GTF2IRD1: variants seen among roughly 807,000 people sequenced by gnomAD.
The protein encoded by GTF2IRD1 is general transcription factor II-I repeat domain-containing protein 1.
In GTF2IRD1, 26 loss-of-function variants were observed where a neutral mutation model predicts 113.2. The observed-to-expected ratio is 0.23, with a 90% CI of 0.17 to 0.32. The LOEUF is 0.32. Ranked by LOEUF, GTF2IRD1 falls within the 10% of genes least tolerant of loss-of-function variation. The pLI is 1.00. For synonymous variants in GTF2IRD1, 484 were observed against 529.1 expected (o/e 0.91, Z 1.17); for missense variants, 864 against 1,280.8 (o/e 0.67, Z 4.97).
intron 9 of GTF2IRD1, among the ~76,000 whole-genome samples, chr7:74,534,556 A>C (rs1798169456): frequency 4.6e-5 from 7 of 151,640 alleles, no homozygotes. Context: ...GGAACCCAGC[A>C]GGAAATTAGA....
chr7:74,504,003 T>C (rs1554340272), intron 1 of GTF2IRD1, among the ~76,000 whole-genome samples: 1 of 152,150 alleles, frequency 6.6e-6, no homozygotes, highest in African/African-American at 2.4e-5. Context: ...AGTGAGAACA[T>C]TTGATATTTG....
intron 1 of GTF2IRD1, among the ~76,000 whole-genome samples, chr7:74,494,420 C>T (rs1795540897): frequency 6.6e-6 from 1 of 152,212 alleles, no homozygotes; most frequent in South Asian, 2.1e-4. Context: ...GGGCTTCCCA[C>T]GTGTCAGCTC....
chr7:74,512,985 G>T lies in GTF2IRD1; in HGVS notation c.265+14G>T. 6.2e-7 allele frequency: 1 copy of T among 1,610,626 alleles called. No homozygotes were observed. On this transcript the variant is annotated intron_variant, in intron 3 of 26. Coordinates refer to ENST00000424337, the MANE Select transcript of GTF2IRD1 (RefSeq NM_005685.4). This position sits in a 1 kb window ranked among gnomAD's most constrained non-coding sequence, Gnocchi z 4.4. Reference sequence around the variant, plus strand: ...TCAGGTTCTGCCGTGAGTACCCCAGGGCTCCGGAGGGCCGGGCCCGCCATT... The same window carrying T: ...TCAGGTTCTGCCGTGAGTACCCCAGTGCTCCGGAGGGCCGGGCCCGCCATT...
At chr7:74,482,119 T>C (rs1794772579) in intron 1 of GTF2IRD1, among the ~76,000 whole-genome samples, 1 of 152,138 alleles carries the variant, frequency 6.6e-6, no homozygotes, top group African/African-American at 2.4e-5. Context: ...AACTGTACCA[T>C]CTGTAGTTGC....
At chr7:74,579,300 TAAA>T (rs1298230792) in intron 22 of GTF2IRD1, among the ~76,000 whole-genome samples, 1 of 151,662 alleles carries the variant, frequency 6.6e-6, no homozygotes, top group East Asian at 1.9e-4. Flanking sequence ...ACTACATCTC[TAAA>T]AAAAAATTTT....
At chr7:74,582,228 C>T (rs1356103470) in intron 22 of GTF2IRD1, among the ~76,000 whole-genome samples, 5 of 152,162 alleles carry the variant, frequency 3.3e-5, no homozygotes, top group Non-Finnish European at 5.9e-5. Context: ...CTGCAGGGCA[C>T]GGCTAGAGCA....
At chr7:74,495,232 G>A (rs978628043) in intron 1 of GTF2IRD1, among the ~76,000 whole-genome samples, 1 of 152,136 alleles carries the variant, frequency 6.6e-6, no homozygotes, top group Admixed American at 6.5e-5. Flanking sequence ...GGGAAGGGCG[G>A]GACAGGGCCC....
At chr7:74,559,684 C>T in intron 22 of GTF2IRD1, 29 bp downstream of exon 22, 1 of 1,577,768 alleles carries the variant, frequency 6.3e-7, no homozygotes. Flanking sequence ...GGAGGGGGCA[C>T]TGGGAATAGG....
intron 22 of GTF2IRD1, among the ~76,000 whole-genome samples, chr7:74,570,394 C>T (rs1800629864): frequency 6.7e-6 from 1 of 149,858 alleles, no homozygotes; most frequent in Non-Finnish European, 1.5e-5. Flanking sequence ...CACAGTGGCT[C>T]ATTGCCTGTA....
In GTF2IRD1 at chr7:74,544,697, A is replaced by C; in HGVS notation, c.1619-58A>C. ...CCCAGCTATCTGGCCTGACGTCGGC[A>C]GTGCATGGCTTAGGAGATGATGAAT... is the stretch of plus-strand genomic sequence containing the variant. On this transcript the variant is annotated intron_variant, in intron 14 of 26. Coordinates refer to ENST00000424337, the MANE Select transcript of GTF2IRD1 (RefSeq NM_005685.4). The C allele has an allele frequency of 1.9e-6, 3 of 1,545,778 alleles. No homozygotes were observed. In the South Asian group the frequency reaches 3.4e-5, roughly 17 times the overall value.
chr7:74,566,006 A>AACACACACAC (rs66556824), intron 22 of GTF2IRD1, among the ~76,000 whole-genome samples: 4,295 of 143,144 alleles, frequency 0.03, 136 homozygotes, highest in African/African-American at 0.077. Context: ...AAGACACACA[A>AACACACACAC]ACACACACAC....
chr7:74,458,488 T>C (rs894052996), intron 1 of GTF2IRD1, among the ~76,000 whole-genome samples: 2 of 151,982 alleles, frequency 1.3e-5, no homozygotes, highest in African/African-American at 4.8e-5. Context: ...CCAGGCTCCA[T>C]ACTCCGGAAG....
intron 1 of GTF2IRD1, among the ~76,000 whole-genome samples, chr7:74,505,653 A>T (rs1307623333): frequency 6.6e-6 from 1 of 152,208 alleles, no homozygotes; most frequent in East Asian, 1.9e-4. Context: ...TTTGGGCCTC[A>T]GCAGCTGGGA....
intron 1 of GTF2IRD1, among the ~76,000 whole-genome samples, chr7:74,490,409 C>T (rs985389058): frequency 2.0e-5 from 3 of 151,992 alleles, no homozygotes; most frequent in Non-Finnish European, 4.4e-5. Flanking sequence ...GTGTTCTTCC[C>T]GGCTACAGTG....
intron 22 of GTF2IRD1, among the ~76,000 whole-genome samples, chr7:74,568,254 C>T (rs1442435725): frequency 6.9e-6 from 1 of 145,264 alleles, no homozygotes; most frequent in African/African-American, 2.6e-5. Context: ...GCCTGTAATC[C>T]AGCACTTTGG....
At chr7:74,559,151 A>AGGT (rs1299930144) in intron 21 of GTF2IRD1, 107 bp downstream of exon 21, 1 of 1,057,926 alleles carries the variant, frequency 9.5e-7, no homozygotes, top group African/African-American at 1.6e-5. Context: ...CCCCTGGACA[A>AGGT]GGTGGCTCTC....
intron 26 of GTF2IRD1, chr7:74,601,935 C>T (rs11762573): frequency 0.17 from 27,542 of 161,296 alleles, 3,339 homozygotes; most frequent in Non-Finnish European, 0.25. Context: ...GAGAACGAGA[C>T]TCCATCTCAA....
chr7:74,520,409 T>C (rs1435478211), intron 6 of GTF2IRD1, among the ~76,000 whole-genome samples: 3 of 152,140 alleles, frequency 2.0e-5, no homozygotes, highest in African/African-American at 7.2e-5. Context: ...TCTCTGAGCC[T>C]CAGTTTCTTC....
At chr7:74,598,283 C>T (rs1312542091) in intron 25 of GTF2IRD1, among the ~76,000 whole-genome samples, 2 of 151,640 alleles carry the variant, frequency 1.3e-5, no homozygotes, top group African/African-American at 4.8e-5. Flanking sequence ...GATCTGGAGG[C>T]GATTTGGTTT....
Sources: gnomAD v4.1 joint callset for allele counts (sites outside exome capture counted in the v4.1 genomes callset) on GRCh38, gnomAD v4.1.1 for gene constraint, Gnocchi (gnomAD v3.1) non-coding constraint, MANE v1.5 for transcripts, NCBI Gene and HGNC (gene_info 2026-07-23, HGNC 2026-07-21) for gene names.